MSRB3: variants seen among roughly 807,000 people sequenced by gnomAD.
MSRB3 encodes the protein methionine sulfoxide reductase B3, also known as methionine-R-sulfoxide reductase B3.
A neutral mutation model predicts 21.0 loss-of-function variants in MSRB3; 13 were observed. The ratio of observed to expected loss-of-function variants is 0.62; its 90% CI spans 0.40 to 0.98. The LOEUF is 0.98. Ranked by LOEUF, MSRB3 falls within the 50% of genes least tolerant of loss-of-function variation. MSRB3 has a pLI of 0.00. For synonymous variants in MSRB3, 87 were observed against 88.6 expected (o/e 0.98, Z 0.10); for missense variants, 199 against 230.3 (o/e 0.86, Z 0.88).
intron 5 of MSRB3, among the ~76,000 whole-genome samples, chr12:65,403,600 T>G (rs1000427474): frequency 6.6e-6 from 1 of 152,072 alleles, no homozygotes; most frequent in Non-Finnish European, 1.5e-5. Flanking sequence ...CAGCCCACTT[T>G]CCAGGGGACA....
intron 5 of MSRB3, among the ~76,000 whole-genome samples, chr12:65,393,773 A>C (rs747170527): frequency 1.3e-5 from 2 of 152,134 alleles, no homozygotes; most frequent in Non-Finnish European, 2.9e-5. Context: ...ATATAATACA[A>C]ATATTATAAA....
intron 5 of MSRB3, among the ~76,000 whole-genome samples, chr12:65,436,412 G>GTT (rs201872897): frequency 6.6e-6 from 1 of 151,116 alleles, no homozygotes; most frequent in Non-Finnish European, 1.5e-5. Context: ...TAACGCATTT[G>GTT]TTTTTTTTCA....
At chr12:65,360,807 G>A (rs1192642347) in intron 4 of MSRB3, among the ~76,000 whole-genome samples, 1 of 152,072 alleles carries the variant, frequency 6.6e-6, no homozygotes, top group African/African-American at 2.4e-5. Flanking sequence ...ACTGCACTAT[G>A]CACTCAAGTG....
At chr12:65,341,578 G>T (rs991743488) in intron 4 of MSRB3, among the ~76,000 whole-genome samples, 3 of 151,704 alleles carry the variant, frequency 2.0e-5, no homozygotes, top group African/African-American at 7.3e-5. Context: ...TAATTGGGTT[G>T]TTTGAAACAA....
At chr12:65,352,139 A>G (rs375475737) in intron 4 of MSRB3, among the ~76,000 whole-genome samples, 2 of 152,112 alleles carry the variant, frequency 1.3e-5, no homozygotes, top group Non-Finnish European at 2.9e-5. Context: ...TTCATCCCTG[A>G]GATGCAAGGC....
intron 5 of MSRB3, among the ~76,000 whole-genome samples, chr12:65,426,679 G>A (rs905336647): frequency 1.3e-5 from 2 of 152,082 alleles, no homozygotes; most frequent in South Asian, 4.1e-4. Context: ...CCTATAGCAT[G>A]AATATTTGCT....
chr12:65,408,757 C>T (rs185313407), intron 5 of MSRB3, among the ~76,000 whole-genome samples: 2 of 152,246 alleles, frequency 1.3e-5, no homozygotes, highest in East Asian at 3.9e-4. Flanking sequence ...TATTTCCCTT[C>T]CCCAACAGAG....
At chr12:65,440,740 G>C (rs1882339639) in intron 5 of MSRB3, among the ~76,000 whole-genome samples, 1 of 151,898 alleles carries the variant, frequency 6.6e-6, no homozygotes, top group Non-Finnish European at 1.5e-5. Context: ...AGTGACATAA[G>C]TAGTAATAAA....
intron 4 of MSRB3, 145 bp downstream of exon 4, chr12:65,328,748 A>T: frequency 1.5e-6 from 1 of 687,594 alleles, no homozygotes; most frequent in African/African-American, 1.8e-5. Flanking sequence ...AAACAAAAGT[A>T]ATTATTGATT....
At chr12:65,366,832 CAGG>C (rs1878041044) in intron 4 of MSRB3, among the ~76,000 whole-genome samples, 1 of 152,046 alleles carries the variant, frequency 6.6e-6, no homozygotes, top group Non-Finnish European at 1.5e-5. Context: ...TCAGAATCAC[CAGG>C]AGAAGTCCTG....
chr12:65,390,930 T>C (rs1317306280), intron 5 of MSRB3, among the ~76,000 whole-genome samples: 1 of 152,246 alleles, frequency 6.6e-6, no homozygotes, highest in South Asian at 2.1e-4. Context: ...CTAATCCTTC[T>C]ACCCCCACTG....
At chr12:65,331,630 G>A (rs753663799) in intron 4 of MSRB3, among the ~76,000 whole-genome samples, 8 of 152,204 alleles carry the variant, frequency 5.3e-5, no homozygotes, top group South Asian at 2.1e-4. Context: ...TGAGCGGAGC[G>A]CCAGGGGAAG....
intron 1 of MSRB3, among the ~76,000 whole-genome samples, chr12:65,290,366 A>G (rs756753027): frequency 6.6e-6 from 1 of 152,126 alleles, no homozygotes; most frequent in African/African-American, 2.4e-5. Flanking sequence ...TCATTCCACT[A>G]CTTTGACTCC....
chr12:65,319,424 T>A (rs1252394537), intron 2 of MSRB3, among the ~76,000 whole-genome samples: 1 of 152,142 alleles, frequency 6.6e-6, no homozygotes, highest in South Asian at 2.1e-4. Flanking sequence ...TTGGTATTAT[T>A]TGAGTTTTCT....
At chr12:65,416,235 G>T (rs1880965632) in intron 5 of MSRB3, among the ~76,000 whole-genome samples, 1 of 152,104 alleles carries the variant, frequency 6.6e-6, no homozygotes, top group African/African-American at 2.4e-5. Flanking sequence ...CCCATTAATT[G>T]CTAGCTCCAT....
chr12:65,418,245 C>T (rs547961144), intron 5 of MSRB3, among the ~76,000 whole-genome samples: 1 of 152,294 alleles, frequency 6.6e-6, no homozygotes, highest in Non-Finnish European at 1.5e-5. Context: ...GGTGGGATTA[C>T]AGGAGCAAGT....
chr12:65,351,171 C>A (rs1876958313), intron 4 of MSRB3, among the ~76,000 whole-genome samples: 1 of 151,330 alleles, frequency 6.6e-6, no homozygotes, highest in Non-Finnish European at 1.5e-5. Flanking sequence ...CTCAAAACCA[C>A]TCAACTACAT....
intron 5 of MSRB3, among the ~76,000 whole-genome samples, chr12:65,386,281 T>A (rs1383383540): frequency 6.6e-6 from 1 of 151,982 alleles, no homozygotes; most frequent in African/African-American, 2.4e-5. Context: ...GCAGATTGTT[T>A]ATTTACAACT....
At chr12:65,296,504 T>C (rs1421601212) in intron 1 of MSRB3, among the ~76,000 whole-genome samples, 1 of 152,228 alleles carries the variant, frequency 6.6e-6, no homozygotes, top group Non-Finnish European at 1.5e-5. Context: ...ACAGGATCTA[T>C]AGAGATCCAC....
Sources: gnomAD v4.1 joint callset for allele counts (sites outside exome capture counted in the v4.1 genomes callset) on GRCh38, gnomAD v4.1.1 for gene constraint, MANE v1.5 for transcripts, NCBI Gene and HGNC (gene_info 2026-07-23, HGNC 2026-07-21) for gene names.